Variants in CAST observed in about 807,000 individuals in gnomAD.
The protein encoded by CAST is calpastatin, also known as MIR583 host.
CAST carries 76 observed loss-of-function variants against 119.6 expected under a neutral mutation model. That is an observed-to-expected ratio of 0.64 (90% CI 0.53 to 0.77). The LOEUF (loss-of-function observed/expected upper bound fraction) is 0.77. CAST is among the 30% of genes least tolerant of loss of function. CAST has a pLI of 0.00. For missense variants in CAST, 953 were observed against 946.5 expected, an observed-to-expected ratio of 1.01 and a Z score of -0.09; for synonymous variants, 319 against 331.6, an observed-to-expected ratio of 0.96 and a Z score of 0.41.
chr5:96,312,617 A>G, the CAST span, among the ~76,000 whole-genome samples: 3 of 151,446 alleles, frequency 2.0e-5, no homozygotes, highest in East Asian at 5.8e-4. Context: ...TAGTGTTAGT[A>G]GTTTGAAACT....
At chr5:96,350,512 G>T in the CAST span, among the ~76,000 whole-genome samples, 3 of 152,090 alleles carry the variant, frequency 2.0e-5, no homozygotes, top group Admixed American at 2.0e-4. Context: ...TTGTTTTAGG[G>T]TGAAGATATT....
the CAST span, among the ~76,000 whole-genome samples, chr5:96,216,933 C>T: frequency 6.6e-6 from 1 of 152,164 alleles, no homozygotes; most frequent in Admixed American, 6.5e-5. Flanking sequence ...TCTTTTTATC[C>T]ATTGTGCTTT....
chr5:96,018,066 T>C, the CAST span, among the ~76,000 whole-genome samples: 2 of 152,320 alleles, frequency 1.3e-5, no homozygotes, highest in Admixed American at 1.3e-4. Flanking sequence ...AAAGTAGTTA[T>C]CTATGCTCTT....
chr5:96,076,267 T>G, the CAST span, among the ~76,000 whole-genome samples: 1 of 152,208 alleles, frequency 6.6e-6, no homozygotes, highest in Non-Finnish European at 1.5e-5. Flanking sequence ...GAAGTCTATC[T>G]TCAGTGTTTT....
chr5:96,743,777 T>C, intron 16 of CAST: 2 of 1,338,798 alleles, frequency 1.5e-6, no homozygotes, highest in Non-Finnish European at 2.1e-6. Context: ...GAAACTTGAT[T>C]ACAACACAAT....
chr5:96,160,490 AT>A, the CAST span, among the ~76,000 whole-genome samples: 2 of 152,000 alleles, frequency 1.3e-5, no homozygotes, highest in Non-Finnish European at 2.9e-5. Context: ...AATATACAAC[AT>A]TTTGTCTATT....
rs758133177 is a variant in CAST at position 96,729,648 on chromosome 5, A to G, written c.472A>G (p.Ser158Gly). 4.4e-6 allele frequency: 7 copies of G among 1,598,148 alleles called. No homozygotes were observed. In the Middle Eastern group the frequency reaches 5.0e-4, roughly 114 times the overall value. Residue 158 changes from serine (S) to glycine (G), a missense_variant, in exon 8 of 32, where the codon AGT (serine) becomes GGT (glycine). Ser to Gly is a moderately conservative substitution (Grantham distance 56, BLOSUM62 0). Transcript: ENST00000675179. ...ACCCAAGCAGGCATCAGATACAGGA[A>G]GTAACGATGCTCACAATAAAAAAGC... Reference protein sequence around the residue: ...SLPKQASDTGSNDAHNKKAVS... With the variant: ...SLPKQASDTGGNDAHNKKAVS...
chr5:96,196,234 C>A, the CAST span, among the ~76,000 whole-genome samples: 1 of 152,154 alleles, frequency 6.6e-6, no homozygotes, highest in East Asian at 1.9e-4. Context: ...TTTTGAATTT[C>A]TAACCACAGA....
chr5:96,478,646 A>G, the CAST span, among the ~76,000 whole-genome samples: 1 of 152,236 alleles, frequency 6.6e-6, no homozygotes, highest in African/African-American at 2.4e-5. Context: ...AAACCACATT[A>G]AATGGATTAA....
chr5:96,105,661 A>C, the CAST span, among the ~76,000 whole-genome samples: 1 of 152,212 alleles, frequency 6.6e-6, no homozygotes, highest in Non-Finnish European at 1.5e-5. Context: ...GGATTTTTGC[A>C]TCAATGTTCA....
At chr5:96,670,627 A>G (rs1397139355) in intron 1 of CAST, among the ~76,000 whole-genome samples, 1 of 152,112 alleles carries the variant, frequency 6.6e-6, no homozygotes, top group Non-Finnish European at 1.5e-5. Flanking sequence ...CCTCCGGAGT[A>G]GCTGGGACTA....
At chr5:96,025,371 A>C in the CAST span, among the ~76,000 whole-genome samples, 1 of 152,106 alleles carries the variant, frequency 6.6e-6, no homozygotes, top group Admixed American at 6.6e-5. Flanking sequence ...AAAGGCACTA[A>C]TCTTATTCAT....
At chr5:96,585,322 A>G (rs187771) in intron 1 of CAST, among the ~76,000 whole-genome samples, 130,022 of 152,106 alleles carry the variant, frequency 0.85, 56,006 homozygotes, top group East Asian at 1. Context: ...CCCACCTCCA[A>G]GTTTACTACC....
At chr5:96,590,800 T>C (rs552189159) in intron 1 of CAST, among the ~76,000 whole-genome samples, 1 of 152,306 alleles carries the variant, frequency 6.6e-6, no homozygotes, top group East Asian at 1.9e-4. Context: ...GAAAAATAGT[T>C]CTTGGCTGGC....
Position 96,695,817 on chromosome 5 carries a change from A to T in CAST, c.139-19A>T. The T allele has an allele frequency of 6.3e-7, 1 of 1,577,514 alleles. No homozygotes were observed. The highest frequency in any genetic ancestry group is 8.7e-7 in the Non-Finnish European group (1 of 1,148,204). ...TAAGGTGTTTTCCCCCATTGAAACT[A>T]ATATTTTCTATTTTCAAGAAAAAAG... On this transcript the variant is annotated intron_variant, in intron 2 of 31. Coordinates refer to ENST00000675179, the MANE Select transcript of CAST (RefSeq NM_001750.7).
chr5:96,277,401 G>T, the CAST span, among the ~76,000 whole-genome samples: 1 of 151,646 alleles, frequency 6.6e-6, no homozygotes, highest in South Asian at 2.1e-4. Flanking sequence ...AGTGTGTGAT[G>T]ACTTCTACTT....
the CAST span, among the ~76,000 whole-genome samples, chr5:96,094,798 G>A: frequency 2.2e-4 from 33 of 152,228 alleles, no homozygotes; most frequent in African/African-American, 7.9e-4. Context: ...TTTAAATTAC[G>A]TGACATTGGT....
At chr5:95,990,926 C>CA in the CAST span, among the ~76,000 whole-genome samples, 1 of 151,970 alleles carries the variant, frequency 6.6e-6, no homozygotes, top group Non-Finnish European at 1.5e-5. Flanking sequence ...GTATTATAAG[C>CA]AATGCTTTTG....
the CAST span, among the ~76,000 whole-genome samples, chr5:96,244,951 T>C: frequency 6.6e-6 from 1 of 152,350 alleles, no homozygotes; most frequent in East Asian, 1.9e-4. Flanking sequence ...AAAGAACTTT[T>C]GTAGATTATT....
Sources: gnomAD v4.1 joint callset for allele counts (sites outside exome capture counted in the v4.1 genomes callset) on GRCh38, gnomAD v4.1.1 for gene constraint, MANE v1.5 for transcripts, NCBI Gene and HGNC (gene_info 2026-07-23, HGNC 2026-07-21) for gene names.